SLC35E4: variants seen among roughly 807,000 people sequenced by gnomAD.
SLC35E4 encodes solute carrier family 35 member E4.
Under a neutral mutation model 19.3 loss-of-function variants are expected in SLC35E4, and 15 were observed. The ratio of observed to expected loss-of-function variants is 0.78; its 90% CI spans 0.52 to 1.20. The LOEUF (loss-of-function observed/expected upper bound fraction) is 1.20. Ranked by LOEUF, SLC35E4 falls within the 50% of genes most tolerant of loss-of-function variation. The pLI is 0.00. For missense variants in SLC35E4, 406 were observed against 472.3 expected, an observed-to-expected ratio of 0.86 and a Z score of 1.30; for synonymous variants, 219 against 219.9, an observed-to-expected ratio of 1.00 and a Z score of 0.04.
At chr22:30,649,666 C>T (rs1569061220), downstream of SLC35E4, among the ~76,000 whole-genome samples, 1 of 149,484 alleles carries the variant, frequency 6.7e-6, no homozygotes, top group African/African-American at 2.5e-5. Flanking sequence ...AGCTTGGGTA[C>T]CTCTGGCCTC....
At chr22:30,644,272 T>C (rs1449822064) in intron 1 of SLC35E4, among the ~76,000 whole-genome samples, 2 of 152,142 alleles carry the variant, frequency 1.3e-5, no homozygotes, top group African/African-American at 2.4e-5. Flanking sequence ...GAGAGAGAAA[T>C]AAAATTTCCT....
At chr22:30,641,031 G>T (rs1259550083) in intron 1 of SLC35E4, among the ~76,000 whole-genome samples, 1 of 152,188 alleles carries the variant, frequency 6.6e-6, no homozygotes, top group Non-Finnish European at 1.5e-5. Flanking sequence ...TTGCCCTCAG[G>T]TTACATGAGA....
At position 30,647,101 on chromosome 22, in the gene SLC35E4, A is replaced by G. The variant is rs2088147611; in HGVS notation, c.*70A>G. 6.7e-7 allele frequency: 1 copy of G among 1,491,708 alleles called. No individual in the cohort carries two copies. Among genetic ancestry groups the G allele is most frequent in the Non-Finnish European group, 8.9e-7 (1 of 1,121,412 alleles). 92.4% of individuals were successfully genotyped at this position (1,491,708 alleles called of 1,614,324 possible). On this transcript the variant is annotated 3_prime_UTR_variant, in exon 2 of 2. Coordinates refer to ENST00000343605, the MANE Select transcript of SLC35E4 (RefSeq NM_001001479.4). Reference sequence around the variant, plus strand: ...ATCCAGCCTCCGCTGTGGCCATAGAAGGAATGGAGAACAGGGCTGGGCATG... The same window carrying G: ...ATCCAGCCTCCGCTGTGGCCATAGAGGGAATGGAGAACAGGGCTGGGCATG...
chr22:30,655,309 T>A (rs757030), intron 2 of SLC35E4, among the ~76,000 whole-genome samples: 70,260 of 138,524 alleles, frequency 0.51, 19,552 homozygotes, highest in East Asian at 0.79. Context: ...AAAAAAAAAA[T>A]AGCCAAGTAT....
At chr22:30,648,655 AG>A (rs973206585), downstream of SLC35E4, among the ~76,000 whole-genome samples, 12 of 152,144 alleles carry the variant, frequency 7.9e-5, no homozygotes, top group African/African-American at 2.9e-4. Flanking sequence ...GCTGGAACCC[AG>A]GAGGCAGAGG....
downstream of SLC35E4, among the ~76,000 whole-genome samples, chr22:30,666,278 T>A (rs1325396482): frequency 6.6e-6 from 1 of 152,168 alleles, no homozygotes; most frequent in Admixed American, 6.5e-5. Context: ...GACAATGCTC[T>A]TGCAGGTGAG....
chr22:30,658,853 T>C (rs569572415), intron 2 of SLC35E4, among the ~76,000 whole-genome samples: 1 of 150,928 alleles, frequency 6.6e-6, no homozygotes, highest in Non-Finnish European at 1.5e-5. Flanking sequence ...GCTTTGAAAC[T>C]GAACTGATCG....
Position 30,647,135 on chromosome 22 carries a change from C to T in SLC35E4, c.*104C>T, listed in dbSNP as rs2088148265. 6.0e-6 allele frequency: 8 copies of T among 1,335,082 alleles called. No homozygotes were observed. The highest frequency in any genetic ancestry group is 7.0e-6 in the Non-Finnish European group (7 of 1,003,284). The allele number at this position is 1,335,082 out of a possible 1,614,324, so 82.7% of individuals were successfully genotyped here. ...GAACAGGGCTGGGCATGGTGGCTCA[C>T]GCCTATAATCCCAGCACTTCCAGAG... On this transcript the variant is annotated 3_prime_UTR_variant, in exon 2 of 2. Transcript: ENST00000343605.
chr22:30,664,053 C>T (rs1375688418), downstream of SLC35E4: 1 of 1,524,218 alleles, frequency 6.6e-7, no homozygotes, highest in African/African-American at 1.4e-5. Flanking sequence ...AAGGCTGCGT[C>T]TTTCTGCTAG....
chr22:30,663,835 C>T (rs763220176), downstream of SLC35E4: 1 of 1,614,232 alleles, frequency 6.2e-7, no homozygotes, highest in Non-Finnish European at 8.5e-7. Flanking sequence ...AAGGTGTTCA[C>T]TACCTCCACT....
chr22:30,640,802 G>A (rs776525332), intron 1 of SLC35E4, among the ~76,000 whole-genome samples: 1 of 152,158 alleles, frequency 6.6e-6, no homozygotes, highest in African/African-American at 2.4e-5. Flanking sequence ...TGGAGTCCAA[G>A]GGGCCTCTTG....
At chr22:30,654,668 T>TC (rs1398606529) in intron 2 of SLC35E4, 1 of 433,498 alleles carries the variant, frequency 2.3e-6, no homozygotes, top group Non-Finnish European at 4.5e-6. Context: ...GCCAGGTACT[T>TC]CAACTTCTTT....
chr22:30,648,679 G>A (rs183241395), downstream of SLC35E4, among the ~76,000 whole-genome samples: 762 of 152,250 alleles, frequency 5.0e-3, 4 homozygotes, highest in African/African-American at 0.017. Context: ...GCAGTGAGCC[G>A]AGATTGTGCC....
chr22:30,655,204 C>T (rs5997725), intron 2 of SLC35E4, among the ~76,000 whole-genome samples: 6 of 151,844 alleles, frequency 4.0e-5, no homozygotes, highest in African/African-American at 1.4e-4. Context: ...ACCTGTAATC[C>T]TAGCACTTTG....
chr22:30,644,250 C>T (rs1981592), intron 1 of SLC35E4, among the ~76,000 whole-genome samples: 5 of 152,134 alleles, frequency 3.3e-5, no homozygotes, highest in Admixed American at 1.3e-4. Context: ...GCTAAAACAT[C>T]GGAATGAAAT....
chr22:30,649,143 G>A, downstream of SLC35E4: 1 of 715,508 alleles, frequency 1.4e-6, no homozygotes, highest in South Asian at 1.5e-5. Flanking sequence ...ACCTGACTGG[G>A]AGCCTCCCTT....
intron 2 of SLC35E4, among the ~76,000 whole-genome samples, chr22:30,661,245 A>G (rs1473599702): frequency 2.0e-5 from 3 of 152,180 alleles, no homozygotes; most frequent in Non-Finnish European, 4.4e-5. Flanking sequence ...CATGGATCTC[A>G]AATCCAAAAA....
chr22:30,649,784 G>A (rs1353729135), downstream of SLC35E4, among the ~76,000 whole-genome samples: 1 of 149,838 alleles, frequency 6.7e-6, no homozygotes, highest in African/African-American at 2.5e-5. Context: ...TGCCATAGCA[G>A]GGACCTCCCT....
intron 1 of SLC35E4, among the ~76,000 whole-genome samples, chr22:30,643,035 A>AC (rs1455718156): frequency 6.6e-6 from 1 of 151,930 alleles, no homozygotes; most frequent in African/African-American, 2.4e-5. Context: ...GTCTCAAAAA[A>AC]AAAAAAAAAA....
Sources: allele counts gnomAD v4.1 joint callset (sites outside exome capture counted in the v4.1 genomes callset), GRCh38; gene constraint gnomAD v4.1.1; transcripts MANE v1.5; gene names NCBI Gene and HGNC (gene_info 2026-07-23, HGNC 2026-07-21).